KIF5C: variants seen among roughly 807,000 people sequenced by gnomAD.
KIF5C encodes the protein kinesin heavy chain isoform 5C.
Under a neutral mutation model 125.2 loss-of-function variants are expected in KIF5C, and 18 were observed. That is an observed-to-expected ratio of 0.14 (90% CI 0.10 to 0.21). KIF5C has a LOEUF of 0.21. Among genes scored for constraint, KIF5C ranks in the 10% least tolerant of loss-of-function variants. The pLI is 1.00. For missense variants in KIF5C, 780 were observed against 1,183.8 expected, an observed-to-expected ratio of 0.66 and a Z score of 5.01; for synonymous variants, 405 against 434.0, an observed-to-expected ratio of 0.93 and a Z score of 0.83.
intron 7 of KIF5C, 36 bp from the exon 8 acceptor site, chr2:148,946,863 G>C: frequency 6.2e-7 from 1 of 1,605,722 alleles, no homozygotes; most frequent in Non-Finnish European, 8.5e-7. Flanking sequence ...AAACCTACAT[G>C]TTCTTTGTAG....
chr2:149,011,523 A>G (rs1682195218), intron 24 of KIF5C, 47 bp from the exon 25 acceptor site: 2 of 1,608,740 alleles, frequency 1.2e-6, no homozygotes, highest in African/African-American at 1.3e-5. Context: ...TGCTGTTAAG[A>G]CTTTTCTAAA....
intron 1 of KIF5C, among the ~76,000 whole-genome samples, chr2:148,895,996 T>C (rs1022706857): frequency 3.9e-5 from 6 of 152,150 alleles, no homozygotes; most frequent in African/African-American, 1.4e-4. Flanking sequence ...TATCCCCAAA[T>C]ACAGTCACAT....
chr2:148,956,854 C>A (rs1682804054), intron 10 of KIF5C, among the ~76,000 whole-genome samples: 1 of 152,094 alleles, frequency 6.6e-6, no homozygotes, highest in African/African-American at 2.4e-5. Context: ...AATGAAGAAC[C>A]CACTTTTGTA....
intron 7 of KIF5C, among the ~76,000 whole-genome samples, chr2:148,946,407 A>G (rs1355322337): frequency 6.6e-6 from 1 of 152,228 alleles, no homozygotes; most frequent in Non-Finnish European, 1.5e-5. Flanking sequence ...CATAGGTTGT[A>G]GAAGTGTATG....
At chr2:148,937,187 C>T (rs1381604683) in intron 3 of KIF5C, 97 bp from the exon 4 acceptor site, 3 of 1,492,704 alleles carry the variant, frequency 2.0e-6, no homozygotes, top group Admixed American at 4.4e-5. Flanking sequence ...TCCTGCTCCA[C>T]CGGGTTCTGT....
At chr2:149,010,539 C>T (rs921606029) in intron 24 of KIF5C, among the ~76,000 whole-genome samples, 188 bp downstream of exon 24, 2 of 152,242 alleles carry the variant, frequency 1.3e-5, no homozygotes, top group Non-Finnish European at 2.9e-5. Flanking sequence ...CAGGCGCCCC[C>T]GTTATCCTAC....
rs1280258408 is a variant in KIF5C, at chr2:148,929,264, C to A, written c.218-17C>A. 7 of 1,505,950 alleles carry A rather than the reference C, an allele frequency of 4.6e-6. No homozygotes were observed. The highest frequency in any genetic ancestry group is 6.3e-6 in the Non-Finnish European group (7 of 1,119,628). The allele number at this position is 1,505,950 out of a possible 1,614,324, so 93.3% of individuals were successfully genotyped here. On this transcript the variant is annotated splice_polypyrimidine_tract_variant and intron_variant, in intron 2 of 25. Transcript: ENST00000435030. ...CAAAGTAATGAGTTAATTTTAATTT[C>A]TTTTTCTTGTTCACAGATGTCCTTG...
intron 15 of KIF5C, among the ~76,000 whole-genome samples, chr2:148,989,281 T>G (rs534657237): frequency 2.2e-4 from 34 of 152,172 alleles, no homozygotes; most frequent in African/African-American, 8.2e-4. Flanking sequence ...CCACCCAGGT[T>G]GCTCCGAATG....
At chr2:148,911,429 A>G (rs2105067859) in intron 1 of KIF5C, among the ~76,000 whole-genome samples, 1 of 152,264 alleles carries the variant, frequency 6.6e-6, no homozygotes, top group Non-Finnish European at 1.5e-5. Context: ...AATATTGAGG[A>G]TATTGCAGAC....
At chr2:148,896,017 G>A (rs569630301) in intron 1 of KIF5C, among the ~76,000 whole-genome samples, 39 of 152,282 alleles carry the variant, frequency 2.6e-4, no homozygotes, top group Non-Finnish European at 4.9e-4. Flanking sequence ...TGGGTGTTAG[G>A]AATTTTGCTA....
intron 1 of KIF5C, among the ~76,000 whole-genome samples, chr2:148,891,576 T>C (rs1436644441): frequency 6.6e-6 from 1 of 152,230 alleles, no homozygotes; most frequent in Non-Finnish European, 1.5e-5. Flanking sequence ...AATTTTCTTC[T>C]TACACCAACA....
Position 148,875,499 on chromosome 2 carries a change from C to T in KIF5C, c.-119C>T. The stretch of plus-strand genomic sequence containing the variant: ...CTCGCGATGACCTGCTGAGAAGCGT[C>T]GTCGGAGGCTGCAGGAGGCGGCCTA... On this transcript the variant is annotated 5_prime_UTR_variant, in exon 1 of 26. Transcript: ENST00000435030. 1.2e-6 allele frequency: 1 copy of T among 816,918 alleles called. No individual in the cohort carries two copies. 50.6% of individuals were successfully genotyped at this position (816,918 alleles called of 1,614,324 possible).
At chr2:148,962,216 A>G in intron 11 of KIF5C, 97 bp downstream of exon 11, 3 of 1,458,750 alleles carry the variant, frequency 2.1e-6, no homozygotes, top group Non-Finnish European at 2.7e-6. Flanking sequence ...CTCAGGCTGG[A>G]GTGCAGTGGC....
chr2:148,902,738 G>A (rs565808024), intron 1 of KIF5C, among the ~76,000 whole-genome samples: 51 of 152,278 alleles, frequency 3.3e-4, no homozygotes, highest in African/African-American at 1.0e-3. Context: ...TGTAGTGCTC[G>A]TGTATTCCTG....
intron 7 of KIF5C, among the ~76,000 whole-genome samples, chr2:148,945,578 A>G (rs1682502651): frequency 1.3e-5 from 2 of 152,050 alleles, no homozygotes; most frequent in South Asian, 2.1e-4. Flanking sequence ...TCCATAGGCT[A>G]TTGGGGTACA....
In KIF5C at chr2:148,973,319, T is replaced by C. The variant is rs748722437; in HGVS notation, c.1118-17T>C. 1.9e-5 allele frequency: 31 copies of C among 1,603,744 alleles called. No homozygotes were observed. The highest frequency in any genetic ancestry group is 2.6e-5 in the Non-Finnish European group (31 of 1,176,420). On this transcript the variant is annotated splice_polypyrimidine_tract_variant and intron_variant, in intron 11 of 25. Transcript: ENST00000435030. The stretch of plus-strand genomic sequence containing the variant: ...CAATTTCTTTAATCCCCAACTCTGC[T>C]CGGCTATGTTTTGCAGGAGAAGCTG...
intron 1 of KIF5C, among the ~76,000 whole-genome samples, chr2:148,894,703 A>ATATATATATATATATATATATAT (rs1558875720): frequency 6.1e-5 from 9 of 147,436 alleles, no homozygotes; most frequent in African/African-American, 2.0e-4. Flanking sequence ...AGTTTAGTAC[A>ATATATATATATATATATATATAT]ATATATATAT....
Position 148,981,341 on chromosome 2 carries a change from T to A in KIF5C, c.1363-14T>A, listed in dbSNP as rs1681230195. 18 of 1,600,080 alleles carry A rather than the reference T, an allele frequency of 1.1e-5. No individual in the cohort carries two copies. The East Asian group carries it at 4.0e-4, about 36-fold the overall frequency. ...CATTAGATTCACAAGTTCCATGCCA[T>A]CTCATTTCCCCAGCTTTTAGCTTCC... is the stretch of plus-strand genomic sequence containing the variant. On this transcript the variant is annotated splice_polypyrimidine_tract_variant and intron_variant, in intron 13 of 25. Transcript: ENST00000435030.
rs561716607 is a variant in KIF5C, at chr2:148,994,779, T to C, written c.2023+241T>C. Among the ~76,000 whole-genome samples the C allele has an allele frequency of 1.1e-3, 164 of 152,108 alleles. 2 individuals are homozygous for C. The highest frequency in any genetic ancestry group is 3.6e-3 in the African/African-American group (148 of 41,486). ...GTGCGGTGGCATAATCTCAGTTCAC[T>C]GCAACCTCCGCTTCCCGGTTCCAGC... On this transcript the variant is annotated intron_variant, in intron 17 of 25. Coordinates refer to ENST00000435030, the MANE Select transcript of KIF5C (RefSeq NM_004522.3).
Sources: allele counts gnomAD v4.1 joint callset (sites outside exome capture counted in the v4.1 genomes callset), GRCh38; gene constraint gnomAD v4.1.1; transcripts MANE v1.5; gene names NCBI Gene and HGNC (gene_info 2026-07-23, HGNC 2026-07-21).